ZCCHC14: variants seen among roughly 807,000 people sequenced by gnomAD.
The protein encoded by ZCCHC14 is zinc finger CCHC-type containing 14.
ZCCHC14 carries 16 observed loss-of-function variants against 85.0 expected under a neutral mutation model. That is an observed-to-expected ratio of 0.19 (90% CI 0.13 to 0.29). ZCCHC14 has a LOEUF of 0.29. Among genes scored for constraint, ZCCHC14 ranks in the 10% least tolerant of loss-of-function variants. The pLI is 1.00. For missense variants in ZCCHC14, 1,303 were observed against 1,443.5 expected (o/e 0.90, Z 1.58); for synonymous variants, 775 against 630.7 (o/e 1.23, Z -3.43).
intron 1 of ZCCHC14, chr16:87,470,940 C>T (rs973618977): frequency 6.6e-6 from 1 of 152,118 alleles, no homozygotes; most frequent in Non-Finnish European, 1.5e-5. Context: ...AAAAAAGTTA[C>T]AGATATTAAG....
At chr16:87,419,360 G>A (rs1908967548) in intron 6 of ZCCHC14, among the ~76,000 whole-genome samples, 1 of 152,026 alleles carries the variant, frequency 6.6e-6, no homozygotes, top group Non-Finnish European at 1.5e-5. Flanking sequence ...GAGTGCAGTG[G>A]TGCAATCTCG....
rs1428333315 is a variant in ZCCHC14, at chr16:87,412,123, G to C, written c.2598C>G (p.Pro866=). The change falls in exon 12 of 13, where the codon CCC becomes CCG. Residue 866 remains proline (P), a synonymous_variant. Coordinates refer to ENST00000671377, the MANE Select transcript of ZCCHC14 (RefSeq NM_015144.3). ...CGGAGGACAGCGCCGGGCTGGAGCT[G>C]GGGGCTGGGCAGCTGGGCAACGTGG... The part of the protein sequence containing the change: ...NMATLPSCPA[P]SSSPALSSVP... 3 of 1,613,704 alleles carry C rather than the reference G, an allele frequency of 1.9e-6. No homozygotes were observed. In the African/African-American group the frequency reaches 4.0e-5, roughly 21 times the overall value.
intron 3 of ZCCHC14, among the ~76,000 whole-genome samples, chr16:87,430,133 G>C (rs1441988624): frequency 6.6e-6 from 1 of 152,148 alleles, no homozygotes; most frequent in Non-Finnish European, 1.5e-5. Context: ...TCTTCACCTA[G>C]TTTAAAATCA....
intron 1 of ZCCHC14, chr16:87,474,023 C>A (rs1911893077): frequency 6.6e-6 from 1 of 152,180 alleles, no homozygotes; most frequent in African/African-American, 2.4e-5. Flanking sequence ...AAAGATCAGA[C>A]CAGAAAGGGC....
intron 2 of ZCCHC14, among the ~76,000 whole-genome samples, chr16:87,434,878 C>A (rs1909837672): frequency 6.6e-6 from 1 of 151,608 alleles, no homozygotes; most frequent in South Asian, 2.1e-4. Flanking sequence ...GTAATCCCAG[C>A]TACTCGGGAG....
rs898096108 is a variant in ZCCHC14, at chr16:87,492,458, G to C, written c.-220C>G. ...CCGTCAGGGGCCGGCGGGCGGGCGC[G>C]CGCGGGGCGCCGGGGGGGCCCGGGG... On this transcript the variant is annotated 5_prime_UTR_variant, in exon 1 of 13. Transcript: ENST00000671377. The surrounding 1 kb of genome is among the most constrained non-coding windows in gnomAD (Gnocchi z 6.7). The C allele has an allele frequency of 2.1e-5, 3 of 144,770 alleles. No individual in the cohort carries two copies. Among genetic ancestry groups the C allele is most frequent in the Admixed American group, 2.0e-4 (3 of 14,658 alleles). 9.0% of individuals were successfully genotyped at this position (144,770 alleles called of 1,614,324 possible).
At position 87,408,104 on chromosome 16, in the gene ZCCHC14, T is replaced by C. The variant is rs1298774042; in HGVS notation, c.*2176A>G. On this transcript the variant is annotated 3_prime_UTR_variant, in exon 13 of 13. Transcript: ENST00000671377. ...TCAACGCTGAATGGCAGGCTCCAAGTTGAAAAGTTTCTGTTTTAATGTTTT... is the reference window on the plus strand; with the variant it reads ...TCAACGCTGAATGGCAGGCTCCAAGCTGAAAAGTTTCTGTTTTAATGTTTT... The C allele has an allele frequency of 6.5e-6, 1 of 152,674 alleles. No homozygotes were observed. The highest frequency in any genetic ancestry group is 1.5e-5 in the Non-Finnish European group (1 of 68,066). The allele number at this position is 152,674 out of a possible 1,614,324, so 9.5% of individuals were successfully genotyped here. A position where few individuals can be genotyped will look rare whatever the true frequency, so the allele number is the denominator to read the frequency against.
At position 87,412,573 on chromosome 16, in the gene ZCCHC14, C is replaced by T. The variant is rs745607948; in HGVS notation, c.2148G>A (p.Ser716=). ...CTGTGGGTGACATGGAGCTGCTCTC[C>T]GAAAGCCCAGAGAGGACCTGCACAG... ...HQPVQVLSGL[S]ESSSMSPTVS... The change falls in exon 12 of 13, where the codon TCG becomes TCA. Residue 716 remains serine, a synonymous_variant. Transcript: ENST00000671377. The T allele has an allele frequency of 5.2e-5, 84 of 1,613,984 alleles. No individual in the cohort carries two copies. Among genetic ancestry groups the T allele is most frequent in the East Asian group, 2.5e-4 (11 of 44,882 alleles).
chr16:87,481,557 GTAAGCGGGA>G (rs1912279690), intron 1 of ZCCHC14, among the ~76,000 whole-genome samples: 1 of 54,894 alleles, frequency 1.8e-5, no homozygotes, highest in African/African-American at 6.5e-5. Flanking sequence ...GGGGGGAAGG[GTAAGCGGGA>G]GGGGAAAGGA....
rs570353876 is a variant in ZCCHC14 at position 87,409,317 on chromosome 16, G to A, written c.*963C>T. 19 of 152,370 alleles carry A rather than the reference G, an allele frequency of 1.2e-4. No individual in the cohort carries two copies. The highest frequency in any genetic ancestry group is 4.1e-4 in the African/African-American group (17 of 41,592). 9.4% of individuals were successfully genotyped at this position (152,370 alleles called of 1,614,324 possible). The stretch of plus-strand genomic sequence containing the variant: ...CCTCGGGGTTGGAGGTTCTTGGGGA[G>A]CCCGTGGGAGATAAAGCAACTTGCA... On this transcript the variant is annotated 3_prime_UTR_variant, in exon 13 of 13. Transcript: ENST00000671377.
In ZCCHC14 at chr16:87,492,281, G is replaced by GCGGGGGCGGCCGGGGGGCGC; in HGVS notation, c.-63_-44dup. On this transcript the variant is annotated 5_prime_UTR_variant, in exon 1 of 13. Coordinates refer to ENST00000671377, the MANE Select transcript of ZCCHC14 (RefSeq NM_015144.3). The surrounding 1 kb of genome is among the most constrained non-coding windows in gnomAD (Gnocchi z 6.7). ...GCCGCGACCCGGGGCCGGGGACCGC[G>GCGGGGGCGGCCGGGGGGCGC]CGGGGGCGGCCGGGGGGCGCCGGGG... 1 of 975,044 alleles carries GCGGGGGCGGCCGGGGGGCGC rather than the reference G, an allele frequency of 1.0e-6. No homozygotes were observed. The highest frequency in any genetic ancestry group is 1.2e-6 in the Non-Finnish European group (1 of 824,312). 60.4% of individuals were successfully genotyped at this position (975,044 alleles called of 1,614,324 possible).
chr16:87,433,754 G>A (rs538485800), intron 2 of ZCCHC14, among the ~76,000 whole-genome samples: 1 of 151,968 alleles, frequency 6.6e-6, no homozygotes, highest in East Asian at 1.9e-4. Flanking sequence ...CGATTCTCGT[G>A]CCTCGGCCTC....
chr16:87,422,754 A>C (rs905283159), intron 4 of ZCCHC14, among the ~76,000 whole-genome samples: 1 of 151,910 alleles, frequency 6.6e-6, no homozygotes. Flanking sequence ...AAAAAACAAA[A>C]CAAAACACTG....
chr16:87,435,133 C>T (rs566147585), intron 2 of ZCCHC14, among the ~76,000 whole-genome samples: 16 of 152,040 alleles, frequency 1.1e-4, no homozygotes, highest in Non-Finnish European at 2.4e-4. Flanking sequence ...CGATTCCCCA[C>T]ATTTTTTGGC....
chr16:87,434,349 C>T (rs1026468740), intron 2 of ZCCHC14, among the ~76,000 whole-genome samples: 1 of 152,228 alleles, frequency 6.6e-6, no homozygotes, highest in Non-Finnish European at 1.5e-5. Context: ...GCCCAACACA[C>T]CCGGCTCTGC....
chr16:87,478,242 C>T (rs1567542864), intron 1 of ZCCHC14, among the ~76,000 whole-genome samples: 1 of 152,212 alleles, frequency 6.6e-6, no homozygotes, highest in Admixed American at 6.5e-5. Flanking sequence ...TCAGAATCTA[C>T]AGTGTCATCC....
chr16:87,478,531 G>A (rs566741277), intron 1 of ZCCHC14, among the ~76,000 whole-genome samples: 19 of 152,264 alleles, frequency 1.2e-4, no homozygotes, highest in East Asian at 1.2e-3. Flanking sequence ...ATTTGTGTCC[G>A]GGTAGAGTTT....
intron 2 of ZCCHC14, among the ~76,000 whole-genome samples, chr16:87,449,440 G>C (rs1022674557): frequency 1.3e-5 from 2 of 152,102 alleles, no homozygotes; most frequent in East Asian, 3.9e-4. Context: ...CCATGATCAC[G>C]AGGGAGGAGA....
At chr16:87,481,838 G>T (rs887661367) in intron 1 of ZCCHC14, among the ~76,000 whole-genome samples, 1 of 152,128 alleles carries the variant, frequency 6.6e-6, no homozygotes, top group African/African-American at 2.4e-5. Context: ...CACAGAGTAG[G>T]TAATTTATAA....
Sources: gnomAD v4.1 joint callset for allele counts (sites outside exome capture counted in the v4.1 genomes callset) on GRCh38, gnomAD v4.1.1 for gene constraint, Gnocchi (gnomAD v3.1) non-coding constraint, MANE v1.5 for transcripts, NCBI Gene and HGNC (gene_info 2026-07-23, HGNC 2026-07-21) for gene names.